Variants in SLC25A12 observed in about 807,000 individuals in gnomAD.
The protein encoded by SLC25A12 is electrogenic aspartate/glutamate antiporter SLC25A12, mitochondrial.
SLC25A12 carries 32 observed loss-of-function variants against 83.3 expected under a neutral mutation model. The ratio of observed to expected loss-of-function variants is 0.38; its 90% CI spans 0.29 to 0.52. SLC25A12 has a LOEUF of 0.52. Among genes scored for constraint, SLC25A12 ranks in the 20% least tolerant of loss-of-function variants. The pLI, the probability that SLC25A12 is intolerant of heterozygous loss-of-function variation, is 0.84. For synonymous variants in SLC25A12, 267 were observed against 291.1 expected (o/e 0.92, Z 0.84); for missense variants, 611 against 835.6 (o/e 0.73, Z 3.31).
At chr2:171,876,660 G>T (rs1270483208) in intron 2 of SLC25A12, among the ~76,000 whole-genome samples, 1 of 151,720 alleles carries the variant, frequency 6.6e-6, no homozygotes, top group East Asian at 1.9e-4. Flanking sequence ...GTAAAGATGG[G>T]GGTCCCACTA....
chr2:171,806,068 G>A (rs566639317), intron 13 of SLC25A12, among the ~76,000 whole-genome samples: 134 of 152,122 alleles, frequency 8.8e-4, no homozygotes, highest in African/African-American at 2.9e-3. Context: ...AGCTGAGATC[G>A]CACCACGCCA....
At chr2:171,789,510 G>A (rs1683376323) in intron 15 of SLC25A12, among the ~76,000 whole-genome samples, 1 of 152,172 alleles carries the variant, frequency 6.6e-6, no homozygotes, top group Non-Finnish European at 1.5e-5. Flanking sequence ...TTACAGGAAT[G>A]AGCCACCAAG....
chr2:171,792,783 A>G (rs1450377386), intron 14 of SLC25A12, among the ~76,000 whole-genome samples: 2 of 152,228 alleles, frequency 1.3e-5, no homozygotes, highest in East Asian at 3.8e-4. Context: ...TGAGACAGGC[A>G]TCATTGTTTG....
chr2:171,799,999 C>T (rs73028718), intron 13 of SLC25A12, among the ~76,000 whole-genome samples: 16 of 152,262 alleles, frequency 1.1e-4, no homozygotes, highest in African/African-American at 2.4e-4. Flanking sequence ...AGAACAGGTA[C>T]TTACCAAAGA....
intron 2 of SLC25A12, among the ~76,000 whole-genome samples, chr2:171,881,135 A>G (rs775410824): frequency 6.6e-6 from 1 of 151,466 alleles, no homozygotes; most frequent in Non-Finnish European, 1.5e-5. Flanking sequence ...ACAAAACCCC[A>G]TATTTTCTTT....
intron 13 of SLC25A12, among the ~76,000 whole-genome samples, chr2:171,796,887 T>C (rs1683608093): frequency 6.6e-6 from 1 of 152,196 alleles, no homozygotes; most frequent in Admixed American, 6.5e-5. Flanking sequence ...GACCACTCTC[T>C]CTATCCTACA....
At chr2:171,808,780 G>A (rs1049134866) in intron 13 of SLC25A12, among the ~76,000 whole-genome samples, 1 of 152,146 alleles carries the variant, frequency 6.6e-6, no homozygotes, top group Admixed American at 6.5e-5. Context: ...CATGTGCCAT[G>A]TTGGTTTGCT....
chr2:171,866,719 A>G (rs1377415835), intron 3 of SLC25A12, among the ~76,000 whole-genome samples: 1 of 127,888 alleles, frequency 7.8e-6, no homozygotes, highest in Non-Finnish European at 1.6e-5. Context: ...AGCCGGGCAG[A>G]GGCGCCCCTC....
chr2:171,893,111 C>T, intron 2 of SLC25A12, 94 bp downstream of exon 2: 1 of 974,908 alleles, frequency 1.0e-6, no homozygotes, highest in Non-Finnish European at 1.6e-6. Context: ...TACATGAAAA[C>T]TGAACATTCC....
intron 4 of SLC25A12, chr2:171,848,164 C>A (rs1573979646): frequency 2.1e-6 from 1 of 471,066 alleles, no homozygotes; most frequent in Non-Finnish European, 4.4e-6. Flanking sequence ...TTCTGCAGTA[C>A]AAAATTACCT....
chr2:171,809,878 G>A (rs1040270031), intron 12 of SLC25A12, among the ~76,000 whole-genome samples, 192 bp from the exon 13 acceptor site: 2 of 152,140 alleles, frequency 1.3e-5, no homozygotes, highest in Non-Finnish European at 2.9e-5. Flanking sequence ...TTTTAGTTTT[G>A]TTTTTGAGAC....
At chr2:171,807,848 C>A (rs547542593) in intron 13 of SLC25A12, among the ~76,000 whole-genome samples, 2 of 152,262 alleles carry the variant, frequency 1.3e-5, no homozygotes, top group South Asian at 2.1e-4. Flanking sequence ...TGCATACAGG[C>A]ACACACACAC....
chr2:171,817,906 A>G (rs909564336), intron 9 of SLC25A12, among the ~76,000 whole-genome samples: 1 of 152,220 alleles, frequency 6.6e-6, no homozygotes, highest in Admixed American at 6.5e-5. Flanking sequence ...ACAAAATCCT[A>G]TGAAAACTGA....
At chr2:171,841,997 C>T (rs1684681390) in intron 5 of SLC25A12, among the ~76,000 whole-genome samples, 1 of 152,076 alleles carries the variant, frequency 6.6e-6, no homozygotes, top group Non-Finnish European at 1.5e-5. Context: ...AACAGAATTA[C>T]CATATGACCC....
At chr2:171,799,081 C>T (rs1683658256) in intron 13 of SLC25A12, among the ~76,000 whole-genome samples, 1 of 152,188 alleles carries the variant, frequency 6.6e-6, no homozygotes, top group Admixed American at 6.5e-5. Flanking sequence ...TGCAAGCACA[C>T]AGCAGCAAGG....
At position 171,785,508 on chromosome 2, in the gene SLC25A12, G is replaced by A. The variant is rs757353902; in HGVS notation, c.1836-33C>T. 8.1e-6 allele frequency: 13 copies of A among 1,597,510 alleles called. No homozygotes were observed. The Admixed American group carries it at 1.8e-4, about 23-fold the overall frequency. ...CAGAAAAAAAGCCAATGGTTAGCAT[G>A]CTCAAGGTGGATGAGCGCAGCTTAC... is the stretch of plus-strand genomic sequence containing the variant. On this transcript the variant is annotated intron_variant, in intron 17 of 17. Coordinates refer to ENST00000422440, the MANE Select transcript of SLC25A12 (RefSeq NM_003705.5).
chr2:171,828,554 C>A (rs1303304194), intron 8 of SLC25A12, among the ~76,000 whole-genome samples: 33 of 152,130 alleles, frequency 2.2e-4, no homozygotes, highest in Admixed American at 2.2e-3. Context: ...TATAGAATGG[C>A]CTGCCCTTAC....
At position 171,789,487 on chromosome 2, in the gene SLC25A12, C is replaced by T. The variant is rs562289277; in HGVS notation, c.1586-1540G>A. Among the ~76,000 whole-genome samples, 8 of 152,240 alleles carry T rather than the reference C, an allele frequency of 5.3e-5. No individual in the cohort carries two copies. In the East Asian group the frequency reaches 1.4e-3, roughly 26 times the overall value. ...TCGTGATCTGCCCGCCTTGGCCTCC[C>T]AAAGTGCTGGGATTACAGGAATGAG... On this transcript the variant is annotated intron_variant, in intron 15 of 17. Coordinates refer to ENST00000422440, the MANE Select transcript of SLC25A12 (RefSeq NM_003705.5).
At chr2:171,821,454 G>A (rs764194805) in intron 9 of SLC25A12, among the ~76,000 whole-genome samples, 6 of 152,192 alleles carry the variant, frequency 3.9e-5, no homozygotes, top group Non-Finnish European at 7.3e-5. Context: ...TGCCAAAGTT[G>A]TGATGCTAGC....
Sources: allele counts gnomAD v4.1 joint callset (sites outside exome capture counted in the v4.1 genomes callset), GRCh38; gene constraint gnomAD v4.1.1; transcripts MANE v1.5; gene names NCBI Gene and HGNC (gene_info 2026-07-23, HGNC 2026-07-21).